The following RGS22 variants were observed in gnomAD, a reference collection of about 807,000 sequenced individuals.
RGS22 encodes regulator of G protein signaling 22, also known as regulator of G-protein signaling 22.
In RGS22, 148 loss-of-function variants were observed where a neutral mutation model predicts 172.9. The ratio of observed to expected loss-of-function variants is 0.86; its 90% CI spans 0.75 to 0.98. The LOEUF is 0.98. Among genes scored for constraint, RGS22 ranks in the 50% least tolerant of loss-of-function variants. The pLI is 0.00. For missense variants in RGS22, 1,347 were observed against 1,440.8 expected, an observed-to-expected ratio of 0.93 and a Z score of 1.05; for synonymous variants, 458 against 480.2, an observed-to-expected ratio of 0.95 and a Z score of 0.60.
At chr8:100,102,022 A>T (rs931387864) in intron 2 of RGS22, among the ~76,000 whole-genome samples, 6 of 152,228 alleles carry the variant, frequency 3.9e-5, no homozygotes, top group Non-Finnish European at 7.3e-5. Context: ...ACCATCCTCA[A>T]GATGCCACAT....
At chr8:100,030,412 G>A (rs568470537) in intron 14 of RGS22, among the ~76,000 whole-genome samples, 5 of 152,186 alleles carry the variant, frequency 3.3e-5, no homozygotes, top group African/African-American at 1.2e-4. Context: ...TGTAAAACAG[G>A]CTCAGGCAGG....
chr8:100,052,447 G>A (rs898091965), intron 10 of RGS22, among the ~76,000 whole-genome samples: 8 of 151,038 alleles, frequency 5.3e-5, no homozygotes, highest in South Asian at 4.2e-4. Flanking sequence ...GACTACAGGC[G>A]CCCGCCACCA....
Position 100,044,145 on chromosome 8 carries a change from A to G in RGS22, c.1824-2229T>C, listed in dbSNP as rs532989848. Among the ~76,000 whole-genome samples the G allele has an allele frequency of 7.2e-5, 11 of 152,360 alleles. No homozygotes were observed. The East Asian group carries it at 2.1e-3, about 29-fold the overall frequency. ...AAGGATTCACTGGTGAACTCTATCA[A>G]GTACTTAAAGAAGAACTAATATGCA... On this transcript the variant is annotated intron_variant, in intron 11 of 27. Transcript: ENST00000360863.
At chr8:99,972,524 G>C (rs535430860) in intron 23 of RGS22, among the ~76,000 whole-genome samples, 1 of 152,274 alleles carries the variant, frequency 6.6e-6, no homozygotes, top group East Asian at 1.9e-4. Flanking sequence ...CTAATATCCA[G>C]AATCTACAAG....
At chr8:100,007,508 A>G (rs1256746472) in intron 15 of RGS22, among the ~76,000 whole-genome samples, 1 of 152,174 alleles carries the variant, frequency 6.6e-6, no homozygotes, top group Non-Finnish European at 1.5e-5. Flanking sequence ...TTTAAAATAG[A>G]AGTACCAAAG....
At chr8:100,052,741 C>G in intron 10 of RGS22, 61 bp downstream of exon 10, 2 of 1,438,554 alleles carry the variant, frequency 1.4e-6, no homozygotes, top group African/African-American at 1.4e-5. Flanking sequence ...TGCACAAACA[C>G]TCAAGCATAC....
chr8:99,968,151 G>C lies in RGS22; in HGVS notation c.3520-2721C>G, dbSNP rs904982026. Among the ~76,000 whole-genome samples, 12 of 152,152 alleles carry C rather than the reference G, an allele frequency of 7.9e-5. 1 individual carries two copies. Among genetic ancestry groups the C allele is most frequent in the African/African-American group, 2.2e-4 (9 of 41,424 alleles). On this transcript the variant is annotated intron_variant, in intron 23 of 27. Coordinates refer to ENST00000360863, the MANE Select transcript of RGS22 (RefSeq NM_015668.5). ...CCTGCAGAAGAGGGGCCTGACTGTTGAAGTAAAACTAACAAACAGAAAGCA... is the reference window on the plus strand; with the variant it reads ...CCTGCAGAAGAGGGGCCTGACTGTTCAAGTAAAACTAACAAACAGAAAGCA...
intron 11 of RGS22, among the ~76,000 whole-genome samples, chr8:100,044,504 C>T (rs1026742638): frequency 6.6e-6 from 1 of 152,254 alleles, no homozygotes; most frequent in Non-Finnish European, 1.5e-5. Context: ...ACTTCGGCCT[C>T]CCAAAGTGCT....
intron 2 of RGS22, among the ~76,000 whole-genome samples, chr8:100,097,632 G>A (rs558447087): frequency 6.6e-6 from 1 of 152,196 alleles, no homozygotes; most frequent in Non-Finnish European, 1.5e-5. Flanking sequence ...TTCTCTGCAC[G>A]TTATGGACAG....
chr8:99,996,646 A>G, intron 19 of RGS22, 116 bp from the exon 20 acceptor site: 1 of 876,404 alleles, frequency 1.1e-6, no homozygotes, highest in Admixed American at 2.6e-5. Flanking sequence ...GAGATAGTGA[A>G]GTTTAGGAGA....
At chr8:100,016,133 G>A (rs181171894) in intron 14 of RGS22, among the ~76,000 whole-genome samples, 253 of 152,234 alleles carry the variant, frequency 1.7e-3, no homozygotes, top group Admixed American at 2.7e-3. Flanking sequence ...TGAAAATAAC[G>A]CAAAGAAAAG....
chr8:99,962,466 T>C (rs776490307), intron 26 of RGS22, 23 bp from the exon 27 acceptor site: 5 of 1,610,946 alleles, frequency 3.1e-6, no homozygotes, highest in East Asian at 2.2e-5. Flanking sequence ...TGAAGTTTTA[T>C]GTATATATTT....
intron 3 of RGS22, chr8:100,093,027 G>A (rs1383639113): frequency 2.0e-5 from 3 of 153,484 alleles, no homozygotes; most frequent in Non-Finnish European, 2.9e-5. Context: ...ACTGTTAGCT[G>A]GGCATCATGG....
At chr8:100,031,505 T>C (rs1376024009) in intron 14 of RGS22, among the ~76,000 whole-genome samples, 1 of 152,164 alleles carries the variant, frequency 6.6e-6, no homozygotes, top group Non-Finnish European at 1.5e-5. Context: ...AATTACTACA[T>C]TTTCCATATA....
At chr8:100,042,286 T>G (rs1405056200) in intron 11 of RGS22, among the ~76,000 whole-genome samples, 1 of 152,098 alleles carries the variant, frequency 6.6e-6, no homozygotes, top group Non-Finnish European at 1.5e-5. Flanking sequence ...ATTAAAAAAA[T>G]TTTAATGTGT....
At chr8:99,977,891 A>AATATC in intron 23 of RGS22, 26 bp downstream of exon 23, 1 of 1,539,602 alleles carries the variant, frequency 6.5e-7, no homozygotes, top group Non-Finnish European at 8.7e-7. Flanking sequence ...AAAGTCTGAT[A>AATATC]AAACCCAAAA....
intron 19 of RGS22, among the ~76,000 whole-genome samples, chr8:99,997,550 A>T (rs917371215): frequency 6.6e-6 from 1 of 152,162 alleles, no homozygotes; most frequent in Non-Finnish European, 1.5e-5. Flanking sequence ...AGCTCAAATG[A>T]CTAAGGATAT....
At chr8:100,054,302 T>C (rs1169868574) in intron 9 of RGS22, 1 of 153,432 alleles carries the variant, frequency 6.5e-6, no homozygotes. Flanking sequence ...CCCTTTAAAA[T>C]AGGAAGAATG....
chr8:100,047,040 T>G (rs1820797863), intron 11 of RGS22, among the ~76,000 whole-genome samples: 1 of 152,100 alleles, frequency 6.6e-6, no homozygotes, highest in Admixed American at 6.6e-5. Flanking sequence ...GGTCTCAAGC[T>G]CCTAGGCTCA....
Sources: allele counts gnomAD v4.1 joint callset (sites outside exome capture counted in the v4.1 genomes callset), GRCh38; gene constraint gnomAD v4.1.1; transcripts MANE v1.5; gene names NCBI Gene and HGNC (gene_info 2026-07-23, HGNC 2026-07-21).